The following TASP1 variants were observed in gnomAD, a reference collection of about 807,000 sequenced individuals.
TASP1 encodes taspase 1.
A neutral mutation model predicts 56.6 loss-of-function variants in TASP1; 16 were observed. The ratio of observed to expected loss-of-function variants is 0.28; its 90% CI spans 0.19 to 0.43. The LOEUF is 0.43. TASP1 is among the 20% of genes least tolerant of loss of function. The pLI is 1.00. For synonymous variants in TASP1, 179 were observed against 184.2 expected, an observed-to-expected ratio of 0.97 and a Z score of 0.23; for missense variants, 393 against 511.6, an observed-to-expected ratio of 0.77 and a Z score of 2.24.
At chr20:13,348,477 G>A in the TASP1 span, among the ~76,000 whole-genome samples, 1 of 152,176 alleles carries the variant, frequency 6.6e-6, no homozygotes, top group African/African-American at 2.4e-5. Flanking sequence ...GGATTTGATA[G>A]AGTCTACTCA....
chr20:13,215,993 G>A, the TASP1 span, among the ~76,000 whole-genome samples: 7,240 of 152,256 alleles, frequency 0.048, 561 homozygotes, highest in African/African-American at 0.16. Flanking sequence ...CTTTCTGTTC[G>A]TTTGTGTTTC....
At chr20:13,308,159 A>G in the TASP1 span, among the ~76,000 whole-genome samples, 1 of 152,318 alleles carries the variant, frequency 6.6e-6, no homozygotes, top group South Asian at 2.1e-4. Context: ...ACTGAGCCCC[A>G]TTCACTGTGC....
At chr20:13,266,854 G>A in the TASP1 span, among the ~76,000 whole-genome samples, 1 of 152,126 alleles carries the variant, frequency 6.6e-6, no homozygotes, top group South Asian at 2.1e-4. Flanking sequence ...AATAATTCAC[G>A]TGGAATACTC....
At chr20:13,151,244 T>A in the TASP1 span, among the ~76,000 whole-genome samples, 1 of 152,204 alleles carries the variant, frequency 6.6e-6, no homozygotes, top group African/African-American at 2.4e-5. Flanking sequence ...TTTACTACCA[T>A]CCTCTCTAAA....
At chr20:13,325,990 C>T in the TASP1 span, among the ~76,000 whole-genome samples, 7 of 152,126 alleles carry the variant, frequency 4.6e-5, no homozygotes, top group African/African-American at 1.7e-4. Context: ...CCCAACCCTC[C>T]CAACTCCGGG....
chr20:13,468,648 C>A (rs1262900590), intron 11 of TASP1, among the ~76,000 whole-genome samples: 7 of 152,118 alleles, frequency 4.6e-5, no homozygotes, highest in Admixed American at 4.6e-4. Flanking sequence ...CTGTGCAACT[C>A]AACCTTCAGT....
chr20:13,400,599 G>A (rs962417057), intron 13 of TASP1, among the ~76,000 whole-genome samples: 8 of 152,030 alleles, frequency 5.3e-5, no homozygotes, highest in South Asian at 2.1e-4. Flanking sequence ...TCATTTTATC[G>A]CTTCAACATT....
At chr20:13,182,589 A>G in the TASP1 span, among the ~76,000 whole-genome samples, 2 of 152,168 alleles carry the variant, frequency 1.3e-5, no homozygotes, top group African/African-American at 2.4e-5. Flanking sequence ...AAGCTGCTAT[A>G]TATTATGATT....
At chr20:13,321,561 G>C in the TASP1 span, among the ~76,000 whole-genome samples, 3 of 152,150 alleles carry the variant, frequency 2.0e-5, no homozygotes, top group Non-Finnish European at 2.9e-5. Flanking sequence ...GCCTAGGCCT[G>C]GTGCCTTGAA....
chr20:13,533,971 A>G, intron 9 of TASP1, 51 bp downstream of exon 9: 2 of 1,559,242 alleles, frequency 1.3e-6, no homozygotes, highest in Non-Finnish European at 1.7e-6. Flanking sequence ...TGAGCTAAAA[A>G]TTCCATGCTT....
At chr20:13,106,688 G>A in the TASP1 span, among the ~76,000 whole-genome samples, 1 of 152,156 alleles carries the variant, frequency 6.6e-6, no homozygotes. Context: ...CTCACTGGAG[G>A]CTGCAGGTGA....
At chr20:13,306,257 G>T in the TASP1 span, among the ~76,000 whole-genome samples, 1 of 152,048 alleles carries the variant, frequency 6.6e-6, no homozygotes, top group African/African-American at 2.4e-5. Flanking sequence ...TTTTAAAAAA[G>T]AAAAAGGAAT....
At chr20:13,568,845 C>T (rs1319586675) in intron 7 of TASP1, among the ~76,000 whole-genome samples, 1 of 152,066 alleles carries the variant, frequency 6.6e-6, no homozygotes, top group Non-Finnish European at 1.5e-5. Flanking sequence ...GATTATTTAA[C>T]CAAACACTTA....
At chr20:13,470,705 T>C (rs765614412) in intron 11 of TASP1, among the ~76,000 whole-genome samples, 6 of 152,200 alleles carry the variant, frequency 3.9e-5, no homozygotes, top group South Asian at 4.1e-4. Flanking sequence ...CAGTCACCTA[T>C]TGACAAGATG....
At chr20:13,385,561 T>C (rs1032995626), downstream of TASP1, among the ~76,000 whole-genome samples, 6 of 152,236 alleles carry the variant, frequency 3.9e-5, no homozygotes, top group South Asian at 1.2e-3. Context: ...AAAACCCTAG[T>C]GGCCAAGAAT....
At chr20:13,212,245 C>A in the TASP1 span, among the ~76,000 whole-genome samples, 2,150 of 152,232 alleles carry the variant, frequency 0.014, 29 homozygotes, top group South Asian at 0.028. Flanking sequence ...CACTTGTGTG[C>A]TATATGAATG....
chr20:13,606,708 A>G (rs1248455996), intron 4 of TASP1, among the ~76,000 whole-genome samples: 3 of 151,752 alleles, frequency 2.0e-5, no homozygotes, highest in Non-Finnish European at 2.9e-5. Context: ...TCGGGAGGCT[A>G]AGGCAGTAGA....
At chr20:13,267,415 T>C in the TASP1 span, among the ~76,000 whole-genome samples, 1 of 152,234 alleles carries the variant, frequency 6.6e-6, no homozygotes, top group South Asian at 2.1e-4. Context: ...CAGAGGTACT[T>C]GTGGCCTGAA....
intron 10 of TASP1, among the ~76,000 whole-genome samples, chr20:13,484,457 G>A (rs763829143): frequency 2.2e-4 from 33 of 152,148 alleles, no homozygotes; most frequent in Non-Finnish European, 4.0e-4. Context: ...CACATAGGCC[G>A]GGCACAGTGG....
Sources: gnomAD v4.1 joint callset for allele counts (sites outside exome capture counted in the v4.1 genomes callset) on GRCh38, gnomAD v4.1.1 for gene constraint, MANE v1.5 for transcripts, NCBI Gene and HGNC (gene_info 2026-07-23, HGNC 2026-07-21) for gene names.